CDH17: variants seen among roughly 807,000 people sequenced by gnomAD.
The protein encoded by CDH17 is cadherin-17.
A neutral mutation model predicts 86.3 loss-of-function variants in CDH17; 67 were observed. The observed-to-expected ratio is 0.78, with a 90% CI of 0.64 to 0.95. The LOEUF (loss-of-function observed/expected upper bound fraction) is 0.95, where lower values mean the gene tolerates loss of function less well. Ranked by LOEUF, CDH17 falls within the 40% of genes least tolerant of loss-of-function variation. The probability of loss-of-function intolerance (pLI) is 0.00; values close to 1 mark genes in which losing one functional copy is unlikely to be tolerated. For missense variants in CDH17, 993 were observed against 1,017.6 expected, an observed-to-expected ratio of 0.98 and a Z score of 0.33; for synonymous variants, 367 against 366.4, an observed-to-expected ratio of 1.00 and a Z score of -0.02.
At chr8:94,199,931 AATTCATTTTGCCACT>A (rs1336173335) in intron 1 of CDH17, among the ~76,000 whole-genome samples, 1 of 152,196 alleles carries the variant, frequency 6.6e-6, no homozygotes, top group Non-Finnish European at 1.5e-5. Context: ...GTTGGCCAAA[AATTCATTTTGCCACT>A]CACGTTTGCT....
upstream of CDH17, among the ~76,000 whole-genome samples, chr8:94,213,012 C>CT (rs1429960913): frequency 1.3e-5 from 2 of 152,250 alleles, no homozygotes; most frequent in African/African-American, 4.8e-5. Context: ...GTCCCTTGCT[C>CT]TGTTGCCCAA....
At chr8:94,197,521 G>A (rs1168429986) in intron 1 of CDH17, among the ~76,000 whole-genome samples, 2 of 151,894 alleles carry the variant, frequency 1.3e-5, no homozygotes, top group Non-Finnish European at 2.9e-5. Context: ...AAAACACATA[G>A]CCATTGCTCA....
chr8:94,134,145 G>A (rs1812474848), intron 15 of CDH17, among the ~76,000 whole-genome samples: 1 of 152,134 alleles, frequency 6.6e-6, no homozygotes, highest in African/African-American at 2.4e-5. Context: ...GCCAGACTTT[G>A]GCATCAGGAT....
In CDH17 at chr8:94,168,143, T is replaced by TATATATATAC. The variant is rs1813199575; in HGVS notation, c.1067-2168_1067-2167insGTATATATAT. Among the ~76,000 whole-genome samples the TATATATATAC allele has an allele frequency of 1.1e-4, 11 of 101,570 alleles. 1 individual carries two copies. Among genetic ancestry groups the TATATATATAC allele is most frequent in the African/African-American group, 5.8e-4 (10 of 17,098 alleles). The allele number at this position is 101,570 out of a possible 152,430, so 66.6% of individuals were successfully genotyped here. ...ATATATATATATATATATATATATATATATATATATATATTTGTGTGTGTG... is the reference window on the plus strand; with the variant it reads ...ATATATATATATATATATATATATATATATATATACATATATATATATATTTGTGTGTGTG... On this transcript the variant is annotated intron_variant, in intron 9 of 17. Coordinates refer to ENST00000027335, the MANE Select transcript of CDH17 (RefSeq NM_004063.4).
intron 7 of CDH17, among the ~76,000 whole-genome samples, chr8:94,173,498 G>A (rs1025265125): frequency 3.9e-5 from 6 of 152,120 alleles, no homozygotes; most frequent in African/African-American, 7.2e-5. Flanking sequence ...CTGGAGCCAC[G>A]CTTGAACAGC....
chr8:94,192,649 A>G (rs760874294), intron 2 of CDH17, among the ~76,000 whole-genome samples: 1 of 152,182 alleles, frequency 6.6e-6, no homozygotes, highest in Non-Finnish European at 1.5e-5. Flanking sequence ...TGGTAGCTCC[A>G]TCAAGAGCTC....
At chr8:94,165,014 T>C (rs78212627) in intron 10 of CDH17, among the ~76,000 whole-genome samples, 3,345 of 152,294 alleles carry the variant, frequency 0.022, 125 homozygotes, top group African/African-American at 0.076. Flanking sequence ...TAGGGTAAGA[T>C]AGAACTTTCC....
chr8:94,217,214 T>A (rs894857251), exon 1 of CDH17: 1 of 150,954 alleles, frequency 6.6e-6, no homozygotes, highest in Non-Finnish European at 1.5e-5. Context: ...GGAGCCCCAA[T>A]CAGACAAGCG....
chr8:94,141,924 C>A (rs546763176), intron 15 of CDH17, among the ~76,000 whole-genome samples: 1 of 151,940 alleles, frequency 6.6e-6, no homozygotes, highest in Non-Finnish European at 1.5e-5. Context: ...AGAACAAAGT[C>A]GGAAAAATTA....
rs753015799 is a variant in CDH17 at position 94,160,170 on chromosome 8, G to A, written c.1360-8C>T. On this transcript the variant is annotated splice_polypyrimidine_tract_variant and splice_region_variant and intron_variant, in intron 11 of 17. Transcript: ENST00000027335. ...AAGAGTCAGGTTTCCATACTAAGGAGAAAATGGAGAAGGAAACAATGAGAA... is the reference window on the plus strand; with the variant it reads ...AAGAGTCAGGTTTCCATACTAAGGAAAAAATGGAGAAGGAAACAATGAGAA... 1.9e-6 allele frequency: 3 copies of A among 1,601,042 alleles called. No homozygotes were observed. Among genetic ancestry groups the A allele is most frequent in the Non-Finnish European group, 2.6e-6 (3 of 1,173,146 alleles).
At chr8:94,201,443 G>A (rs1333958797) in intron 1 of CDH17, among the ~76,000 whole-genome samples, 1 of 152,158 alleles carries the variant, frequency 6.6e-6, no homozygotes, top group African/African-American at 2.4e-5. Flanking sequence ...CACAATGACT[G>A]ATGTCCTTCT....
chr8:94,213,387 G>T (rs1449808073), upstream of CDH17, among the ~76,000 whole-genome samples: 2 of 152,172 alleles, frequency 1.3e-5, no homozygotes, highest in Non-Finnish European at 2.9e-5. Flanking sequence ...ATTCTGAATT[G>T]AGATTAATTA....
At chr8:94,195,528 C>A (rs888206482) in intron 1 of CDH17, among the ~76,000 whole-genome samples, 3 of 152,114 alleles carry the variant, frequency 2.0e-5, no homozygotes, top group African/African-American at 7.2e-5. Context: ...TCTTACTATT[C>A]CAAAAGAGAT....
chr8:94,160,389 T>A (rs1383637762), intron 11 of CDH17, among the ~76,000 whole-genome samples: 1 of 152,230 alleles, frequency 6.6e-6, no homozygotes, highest in East Asian at 1.9e-4. Flanking sequence ...AGAGAGCTAC[T>A]GGTAGGATTC....
intron 17 of CDH17, among the ~76,000 whole-genome samples, chr8:94,130,305 T>G (rs1812387000): frequency 6.6e-6 from 1 of 152,216 alleles, no homozygotes. Flanking sequence ...TCAAGCACAG[T>G]GCCTGACACA....
At chr8:94,160,759 T>G (rs977090866) in intron 11 of CDH17, among the ~76,000 whole-genome samples, 20 of 152,210 alleles carry the variant, frequency 1.3e-4, no homozygotes, top group African/African-American at 4.8e-4. Context: ...AGCTCCTAAA[T>G]TCTTGGCACA....
chr8:94,201,397 G>A (rs150750323), intron 1 of CDH17, among the ~76,000 whole-genome samples: 10 of 152,262 alleles, frequency 6.6e-5, no homozygotes, highest in Admixed American at 2.0e-4. Context: ...CAGAGGTAAC[G>A]AAGTTAAAAT....
chr8:94,190,863 A>C (rs1813674914), intron 2 of CDH17, among the ~76,000 whole-genome samples: 1 of 152,216 alleles, frequency 6.6e-6, no homozygotes, highest in East Asian at 1.9e-4. Context: ...AGTCTGGGGA[A>C]CCTTGACTAA....
intron 15 of CDH17, among the ~76,000 whole-genome samples, chr8:94,143,555 C>T (rs1214782101): frequency 6.6e-6 from 1 of 152,210 alleles, no homozygotes; most frequent in East Asian, 1.9e-4. Flanking sequence ...CTATGGATGT[C>T]TAAGATGGCA....
Sources: allele counts gnomAD v4.1 joint callset (sites outside exome capture counted in the v4.1 genomes callset), GRCh38; gene constraint gnomAD v4.1.1; transcripts MANE v1.5; gene names NCBI Gene and HGNC (gene_info 2026-07-23, HGNC 2026-07-21).